HELLS: variants seen among roughly 807,000 people sequenced by gnomAD.
The protein encoded by HELLS is helicase, lymphoid specific.
Under a neutral mutation model 120.0 loss-of-function variants are expected in HELLS, and 32 were observed. That is an observed-to-expected ratio of 0.27 (90% CI 0.20 to 0.36). HELLS has a LOEUF of 0.36. Among genes scored for constraint, HELLS ranks in the 10% least tolerant of loss-of-function variants. HELLS has a pLI of 1.00. For synonymous variants in HELLS, 341 were observed against 323.4 expected, an observed-to-expected ratio of 1.05 and a Z score of -0.58; for missense variants, 650 against 993.4, an observed-to-expected ratio of 0.65 and a Z score of 4.65.
intron 21 of HELLS, 112 bp from the exon 22 acceptor site, chr10:94,601,416 T>C: frequency 3.1e-6 from 2 of 648,674 alleles, no homozygotes; most frequent in South Asian, 3.5e-5. Context: ...ACTGTGAGTT[T>C]TATAATTTTG....
chr10:94,580,027 G>T (rs972061154), intron 10 of HELLS, among the ~76,000 whole-genome samples: 1 of 149,680 alleles, frequency 6.7e-6, no homozygotes, highest in African/African-American at 2.5e-5. Flanking sequence ...AGTGCGAGTG[G>T]AAGTGACTGA....
In HELLS at chr10:94,551,975, G is replaced by A. The variant is rs377190725; in HGVS notation, c.154-2151G>A. On this transcript the variant is annotated intron_variant, in intron 2 of 21. Transcript: ENST00000348459. ...AGGACAGTCTCAATCTCCTGACCTC[G>A]GGATCCGCCCGCCTCAGCCTCCCAA... is the stretch of plus-strand genomic sequence containing the variant. Among the ~76,000 whole-genome samples the A allele has an allele frequency of 1.5e-4, 23 of 152,074 alleles. No homozygotes were observed. The East Asian group carries it at 2.3e-3, about 15-fold the overall frequency.
intron 7 of HELLS, among the ~76,000 whole-genome samples, chr10:94,573,658 T>C (rs1334165500): frequency 1.3e-5 from 2 of 151,976 alleles, no homozygotes; most frequent in African/African-American, 4.8e-5. Flanking sequence ...GACACAGGGT[T>C]TCGCCATGTT....
chr10:94,567,972 C>T (rs753194394), intron 6 of HELLS, among the ~76,000 whole-genome samples: 10 of 143,462 alleles, frequency 7.0e-5, no homozygotes, highest in African/African-American at 1.3e-4. Context: ...TGCAGTGCTG[C>T]GATCTTGACT....
In HELLS at chr10:94,545,806, T is replaced by A; in HGVS notation, c.-116T>A. On this transcript the variant is annotated 5_prime_UTR_variant, in exon 1 of 22. Coordinates refer to ENST00000348459, the MANE Select transcript of HELLS (RefSeq NM_018063.5). ...TTCCCGCGAAGGAGAAGCGCGCTTT[T>A]TTCCCTGGCGGGGGATTTGGCTAGA... is the stretch of plus-strand genomic sequence containing the variant. 8.0e-7 allele frequency: 1 copy of A among 1,246,862 alleles called. No homozygotes were observed. Among genetic ancestry groups the A allele is most frequent in the Non-Finnish European group, 1.2e-6 (1 of 868,944 alleles). The allele number at this position is 1,246,862 out of a possible 1,614,324, so 77.2% of individuals were successfully genotyped here. A position where few individuals can be genotyped will look rare whatever the true frequency, so the allele number is the denominator to read the frequency against.
Position 94,601,651 on chromosome 10 carries a change from T to C in HELLS, c.*29T>C, listed in dbSNP as rs1244454982. 1.7e-6 allele frequency: 2 copies of C among 1,206,028 alleles called. No individual in the cohort carries two copies. The highest frequency in any genetic ancestry group is 2.4e-6 in the Non-Finnish European group (2 of 831,724). The allele number at this position is 1,206,028 out of a possible 1,614,324, so 74.7% of individuals were successfully genotyped here. ...GGAGCTCAAGAATAGCTTTTAAAAG[T>C]TCTTATTTACATCTAGTGATTTCCC... On this transcript the variant is annotated 3_prime_UTR_variant, in exon 22 of 22. Transcript: ENST00000348459.
rs768728707 is a variant in HELLS at position 94,596,855 on chromosome 10, T to C, written c.2249-5T>C. 2 of 1,371,406 alleles carry C rather than the reference T, an allele frequency of 1.5e-6. No individual in the cohort carries two copies. Among genetic ancestry groups the C allele is most frequent in the Non-Finnish European group, 2.1e-6 (2 of 972,782 alleles). The allele number at this position is 1,371,406 out of a possible 1,614,324, so 85.0% of individuals were successfully genotyped here. A position where few individuals can be genotyped will look rare whatever the true frequency, so the allele number is the denominator to read the frequency against. On this transcript the variant is annotated splice_polypyrimidine_tract_variant and splice_region_variant and intron_variant, in intron 19 of 21. Transcript: ENST00000348459. ...TTAATGTTTTTAATTTCTCATTTTT[T>C]TTAGATCATTTCAAAGGTGGTCAGT...
At chr10:94,570,041 T>A (rs1844060000) in intron 6 of HELLS, 1 of 151,604 alleles carries the variant, frequency 6.6e-6, no homozygotes, top group African/African-American at 2.4e-5. Context: ...ATTTTTTTTT[T>A]TATTTTTATT....
At position 94,568,544 on chromosome 10, in the gene HELLS, T is replaced by C. The variant is rs145516094; in HGVS notation, c.436-2844T>C. Among the ~76,000 whole-genome samples, 426 of 152,268 alleles carry C rather than the reference T, an allele frequency of 2.8e-3. 2 individuals are homozygous for C. Among genetic ancestry groups the C allele is most frequent in the African/African-American group, 9.4e-3 (389 of 41,546 alleles). On this transcript the variant is annotated intron_variant, in intron 6 of 21. Coordinates refer to ENST00000348459, the MANE Select transcript of HELLS (RefSeq NM_018063.5). The stretch of plus-strand genomic sequence containing the variant: ...CCTTACTGTGCCCTATTTATAGTAG[T>C]TTCTTAATTGATTTTTATAATCCTA...
chr10:94,592,214 T>C lies in HELLS; in HGVS notation c.1768-15T>C, dbSNP rs751400888. ...AGTTTTCTCTCTATTTTTTCTTCCT[T>C]TGCCCCTCCTTAAGATCGATGAAGA... On this transcript the variant is annotated splice_polypyrimidine_tract_variant and intron_variant, in intron 15 of 21. Coordinates refer to ENST00000348459, the MANE Select transcript of HELLS (RefSeq NM_018063.5). 2.3e-5 allele frequency: 36 copies of C among 1,573,332 alleles called. 1 individual carries two copies. In the South Asian group the frequency reaches 4.1e-4, roughly 18 times the overall value.
chr10:94,558,000 G>C, intron 3 of HELLS, 139 bp from the exon 4 acceptor site: 1 of 1,132,154 alleles, frequency 8.8e-7, no homozygotes, highest in South Asian at 1.7e-5. Flanking sequence ...AAGGCTTGAA[G>C]TACAAGTTCC....
chr10:94,592,299 A>G lies in HELLS; in HGVS notation c.1838A>G (p.Lys613Arg), dbSNP rs1227344266. The G allele has an allele frequency of 8.7e-6, 14 of 1,611,282 alleles. No homozygotes were observed. The highest frequency in any genetic ancestry group is 1.2e-5 in the Non-Finnish European group (14 of 1,178,916). ...ILDRMLPELK[K>R]RGHKVLLFSQ... is the part of the protein sequence containing the mutation. ...GATCGAATGCTGCCAGAACTAAAAAAAAGAGGTCACAAGGTGGTACTTTTG... is the reference window on the plus strand; with the variant it reads ...GATCGAATGCTGCCAGAACTAAAAAGAAGAGGTCACAAGGTGGTACTTTTG... Residue 613 changes from lysine to arginine, a missense_variant, in exon 16 of 22, where the codon AAA becomes AGA. Lys to Arg is a conservative substitution (Grantham distance 26, BLOSUM62 2). Transcript: ENST00000348459.
intron 6 of HELLS, among the ~76,000 whole-genome samples, chr10:94,564,394 A>G (rs1969815): frequency 0.38 from 57,975 of 152,014 alleles, 11,485 homozygotes; most frequent in East Asian, 0.68. Flanking sequence ...CCTAGTCAGA[A>G]ATTGTCACTA....
intron 4 of HELLS, among the ~76,000 whole-genome samples, chr10:94,559,430 T>A (rs544566309): frequency 6.6e-6 from 1 of 150,712 alleles, no homozygotes; most frequent in South Asian, 2.1e-4. Flanking sequence ...CGATATTTAT[T>A]TATTTATTTT....
downstream of HELLS, among the ~76,000 whole-genome samples, chr10:94,605,072 T>TCTCC (rs1846113438): frequency 1.5e-5 from 1 of 66,824 alleles, no homozygotes; most frequent in Non-Finnish European, 2.6e-5. Flanking sequence ...GTCTTGTGTC[T>TCTCC]CCCCCCCCCC....
intron 10 of HELLS, among the ~76,000 whole-genome samples, chr10:94,578,070 C>CAAAAAAAA (rs58732872): frequency 2.6e-4 from 16 of 60,838 alleles, no homozygotes; most frequent in Non-Finnish European, 3.6e-4. Flanking sequence ...GACTCCGTCT[C>CAAAAAAAA]AAAAAAAAAA....
intron 12 of HELLS, among the ~76,000 whole-genome samples, chr10:94,585,905 G>A (rs1436857444): frequency 6.6e-6 from 1 of 151,852 alleles, no homozygotes. Flanking sequence ...TATAAGTCTT[G>A]TTTTTGTCTG....
intron 17 of HELLS, 54 bp downstream of exon 17, chr10:94,592,568 G>T: frequency 8.6e-7 from 1 of 1,164,230 alleles, no homozygotes; most frequent in Admixed American, 2.9e-5. Context: ...TTCCTATCTT[G>T]ATTTCTGAAG....
intron 10 of HELLS, 32 bp downstream of exon 10, chr10:94,576,837 T>C: frequency 6.5e-7 from 1 of 1,539,980 alleles, no homozygotes; most frequent in South Asian, 1.2e-5. Context: ...TTCTTTGTAA[T>C]ACATAAAACA....
Sources: allele counts gnomAD v4.1 joint callset (sites outside exome capture counted in the v4.1 genomes callset), GRCh38; gene constraint gnomAD v4.1.1; transcripts MANE v1.5; gene names NCBI Gene and HGNC (gene_info 2026-07-23, HGNC 2026-07-21).